ATXN7L1: variants seen among roughly 807,000 people sequenced by gnomAD.
ATXN7L1 encodes ataxin-7-like protein 1.
In ATXN7L1, 15 loss-of-function variants were observed where a neutral mutation model predicts 70.8. That is an observed-to-expected ratio of 0.21 (90% CI 0.14 to 0.33). The LOEUF (loss-of-function observed/expected upper bound fraction) is 0.33, where lower values mean the gene tolerates loss of function less well. ATXN7L1 is among the 10% of genes least tolerant of loss of function. ATXN7L1 has a pLI of 1.00. For missense variants in ATXN7L1, 975 were observed against 1,097.1 expected (o/e 0.89, Z 1.57); for synonymous variants, 440 against 445.1 (o/e 0.99, Z 0.14).
rs58217531 is a variant in ATXN7L1 at position 105,716,665 on chromosome 7, GCACACACACACACACA to G, written c.356-51393_356-51378del. On this transcript the variant is annotated intron_variant, in intron 3 of 11. Transcript: ENST00000419735. ...GGCAACATGGCGAAAACCTATCTCT[GCACACACACACACACA>G]CACACACACACACACACACACACAC... Among the ~76,000 whole-genome samples, 263 of 125,602 alleles carry G rather than the reference GCACACACACACACACA, an allele frequency of 2.1e-3. 1 individual carries two copies. Among genetic ancestry groups the G allele is most frequent in the African/African-American group, 4.5e-3 (163 of 36,132 alleles). The allele number at this position is 125,602 out of a possible 152,430, so 82.4% of individuals were successfully genotyped here.
chr7:105,816,591 A>G (rs2116553391), intron 2 of ATXN7L1, among the ~76,000 whole-genome samples: 1 of 152,312 alleles, frequency 6.6e-6, no homozygotes, highest in Non-Finnish European at 1.5e-5. Flanking sequence ...GCCCTCAGGG[A>G]AGGGGCCCAG....
chr7:105,673,480 AC>A (rs1804096144), intron 3 of ATXN7L1, among the ~76,000 whole-genome samples: 3 of 152,184 alleles, frequency 2.0e-5, no homozygotes, highest in Admixed American at 6.5e-5. Context: ...TGGCTTACTC[AC>A]TTGACAGCAT....
At chr7:105,663,173 C>T (rs1294966021) in intron 4 of ATXN7L1, among the ~76,000 whole-genome samples, 1 of 152,210 alleles carries the variant, frequency 6.6e-6, no homozygotes, top group Non-Finnish European at 1.5e-5. Flanking sequence ...GACTGGGAGA[C>T]TCACATCGCC....
At chr7:105,673,196 A>G (rs1455419713) in intron 3 of ATXN7L1, among the ~76,000 whole-genome samples, 1 of 152,236 alleles carries the variant, frequency 6.6e-6, no homozygotes, top group Non-Finnish European at 1.5e-5. Context: ...GTAAAAATTC[A>G]GTGTTCCCTT....
At chr7:105,671,495 G>A (rs796796794) in intron 3 of ATXN7L1, among the ~76,000 whole-genome samples, 5 of 152,162 alleles carry the variant, frequency 3.3e-5, no homozygotes, top group African/African-American at 1.2e-4. Context: ...CAGAACACCC[G>A]TGCAGAATTA....
intron 4 of ATXN7L1, among the ~76,000 whole-genome samples, chr7:105,653,715 C>G (rs1032849932): frequency 2.6e-5 from 4 of 152,134 alleles, no homozygotes; most frequent in African/African-American, 9.7e-5. Context: ...CCCAGAGGTC[C>G]AAGTGTAACC....
intron 7 of ATXN7L1, among the ~76,000 whole-genome samples, chr7:105,627,841 G>T (rs1377604279): frequency 1.3e-4 from 11 of 86,446 alleles, no homozygotes; most frequent in Admixed American, 3.5e-4. Flanking sequence ...CCTGTCTTTA[G>T]TTTTTTTTTT....
At chr7:105,652,401 G>C (rs6958313) in intron 4 of ATXN7L1, among the ~76,000 whole-genome samples, 13,002 of 152,280 alleles carry the variant, frequency 0.085, 621 homozygotes, top group East Asian at 0.14. Context: ...AGAACGTAGA[G>C]ATTAGGAGGC....
rs1042248755 is a variant in ATXN7L1, at chr7:105,635,831, T to C, written c.1202+2522A>G. Among the ~76,000 whole-genome samples, 2 of 151,886 alleles carry C rather than the reference T, an allele frequency of 1.3e-5. 1 individual carries two copies. Among genetic ancestry groups the C allele is most frequent in the Admixed American group, 1.3e-4 (2 of 15,242 alleles). On this transcript the variant is annotated intron_variant, in intron 7 of 11. Transcript: ENST00000419735. Reference sequence around the variant, plus strand: ...TGGGAGGGGATGACAATAAATTCCATTCATGTGCGATAGTTTTTTTTTTTT... The same window carrying C: ...TGGGAGGGGATGACAATAAATTCCACTCATGTGCGATAGTTTTTTTTTTTT...
intron 3 of ATXN7L1, among the ~76,000 whole-genome samples, chr7:105,671,683 G>C (rs1164826392): frequency 1.3e-5 from 2 of 151,782 alleles, no homozygotes; most frequent in East Asian, 3.9e-4. Context: ...GATTGCTGGA[G>C]CTCAGGAGTT....
At chr7:105,746,163 G>C (rs541699253) in intron 3 of ATXN7L1, among the ~76,000 whole-genome samples, 1 of 152,268 alleles carries the variant, frequency 6.6e-6, no homozygotes, top group Non-Finnish European at 1.5e-5. Context: ...CCACCAGGCT[G>C]ATACAGGCCA....
At position 105,614,991 on chromosome 7, in the gene ATXN7L1, C is replaced by A. The variant is rs982480200; in HGVS notation, c.1518-175G>T. On this transcript the variant is annotated intron_variant, in intron 9 of 11. Transcript: ENST00000419735. The surrounding 1 kb of genome is among the most constrained non-coding windows in gnomAD (Gnocchi z 4.3). Reference sequence around the variant, plus strand: ...TGAAGCATGGCCCCTCCTTATGGCACCCCCCATTGCAACATCCAGCAACCT... The same window carrying A: ...TGAAGCATGGCCCCTCCTTATGGCAACCCCCATTGCAACATCCAGCAACCT... Among the ~76,000 whole-genome samples the A allele has an allele frequency of 5.9e-5, 9 of 151,988 alleles. No homozygotes were observed. The highest frequency in any genetic ancestry group is 5.9e-4 in the Admixed American group (9 of 15,254).
chr7:105,703,418 A>C (rs1792737605), intron 3 of ATXN7L1, among the ~76,000 whole-genome samples: 1 of 152,178 alleles, frequency 6.6e-6, no homozygotes, highest in Non-Finnish European at 1.5e-5. Flanking sequence ...TACAAAGTCT[A>C]GATTGGGCAA....
intron 2 of ATXN7L1, among the ~76,000 whole-genome samples, chr7:105,802,015 G>A (rs1025700538): frequency 2.0e-5 from 3 of 152,172 alleles, no homozygotes; most frequent in Admixed American, 2.0e-4. Flanking sequence ...AAAGCCTGGT[G>A]TCTGAAAACC....
chr7:105,783,333 A>G (rs1427717707), intron 3 of ATXN7L1, among the ~76,000 whole-genome samples: 1 of 152,226 alleles, frequency 6.6e-6, no homozygotes, highest in Non-Finnish European at 1.5e-5. Context: ...CCTGAGTGAC[A>G]GGGGTGATAG....
intron 3 of ATXN7L1, among the ~76,000 whole-genome samples, chr7:105,715,936 T>C (rs1190791972): frequency 2.6e-5 from 4 of 152,082 alleles, no homozygotes; most frequent in Admixed American, 6.5e-5. Context: ...AGCGTCCTAA[T>C]TGGCACCAGC....
At chr7:105,618,300 C>A (rs1414905798) in intron 9 of ATXN7L1, among the ~76,000 whole-genome samples, 6 of 152,190 alleles carry the variant, frequency 3.9e-5, no homozygotes, top group Non-Finnish European at 5.9e-5. Context: ...ACAGTCACCC[C>A]ACGTGTAGCA....
chr7:105,648,264 T>A (rs531631016), intron 4 of ATXN7L1, among the ~76,000 whole-genome samples: 1 of 152,204 alleles, frequency 6.6e-6, no homozygotes, highest in African/African-American at 2.4e-5. Flanking sequence ...CTGTCCCTGA[T>A]ACTTTTTTCT....
chr7:105,697,812 G>A (rs193036304), intron 3 of ATXN7L1, among the ~76,000 whole-genome samples: 233 of 152,318 alleles, frequency 1.5e-3, no homozygotes, highest in African/African-American at 5.4e-3. Flanking sequence ...CACAATCCAC[G>A]TTCTTCTGTC....
Sources: gnomAD v4.1 joint callset for allele counts (sites outside exome capture counted in the v4.1 genomes callset) on GRCh38, gnomAD v4.1.1 for gene constraint, Gnocchi (gnomAD v3.1) non-coding constraint, MANE v1.5 for transcripts, NCBI Gene and HGNC (gene_info 2026-07-23, HGNC 2026-07-21) for gene names.